PPARGC1B: variants seen among roughly 807,000 people sequenced by gnomAD.
The protein encoded by PPARGC1B is PPARG coactivator 1 beta.
A neutral mutation model predicts 101.6 loss-of-function variants in PPARGC1B; 34 were observed. The ratio of observed to expected loss-of-function variants is 0.33; its 90% CI spans 0.25 to 0.45. The LOEUF (loss-of-function observed/expected upper bound fraction) is 0.45. Among genes scored for constraint, PPARGC1B ranks in the 20% least tolerant of loss-of-function variants. The probability of loss-of-function intolerance (pLI) is 1.00; values close to 1 mark genes in which losing one functional copy is unlikely to be tolerated. For missense variants in PPARGC1B, 1,234 were observed against 1,317.6 expected (o/e 0.94, Z 0.98); for synonymous variants, 548 against 539.3 (o/e 1.02, Z -0.22).
chr5:149,749,370 C>A (rs192109629), intron 1 of PPARGC1B, among the ~76,000 whole-genome samples: 1 of 152,168 alleles, frequency 6.6e-6, no homozygotes, highest in African/African-American at 2.4e-5. Context: ...CCGCTGAGGT[C>A]ACTGTTGTAG....
chr5:149,805,466 G>A (rs866217295), intron 1 of PPARGC1B, among the ~76,000 whole-genome samples: 15 of 152,222 alleles, frequency 9.9e-5, no homozygotes, highest in Non-Finnish European at 1.3e-4. Context: ...TTGAGACGGA[G>A]TCTCACTGTG....
intron 1 of PPARGC1B, among the ~76,000 whole-genome samples, chr5:149,785,458 A>G (rs1756765528): frequency 6.6e-6 from 1 of 152,228 alleles, no homozygotes; most frequent in African/African-American, 2.4e-5. Context: ...GCAAGCACAC[A>G]ATAAAAGGCA....
chr5:149,762,715 A>T (rs1755760256), intron 1 of PPARGC1B, among the ~76,000 whole-genome samples: 1 of 152,194 alleles, frequency 6.6e-6, no homozygotes. Context: ...ATTTGGGGAC[A>T]GCCTTGGCAA....
At chr5:149,770,613 G>A (rs189669370) in intron 1 of PPARGC1B, among the ~76,000 whole-genome samples, 3 of 152,088 alleles carry the variant, frequency 2.0e-5, no homozygotes, top group East Asian at 1.9e-4. Flanking sequence ...TCAGGAAGCC[G>A]AGGCAGGAGG....
intron 3 of PPARGC1B, among the ~76,000 whole-genome samples, chr5:149,827,192 T>G (rs1331523841): frequency 1.3e-5 from 2 of 152,240 alleles, no homozygotes; most frequent in African/African-American, 4.8e-5. Context: ...TCCTGAAGAT[T>G]GCACACACAT....
At chr5:149,777,996 C>A (rs1428726040) in intron 1 of PPARGC1B, among the ~76,000 whole-genome samples, 1 of 73,322 alleles carries the variant, frequency 1.4e-5, no homozygotes, top group South Asian at 6.6e-4. Flanking sequence ...TGTAGCAGTG[C>A]CCCCCTTCCC....
chr5:149,784,203 A>G (rs923506290), intron 1 of PPARGC1B, among the ~76,000 whole-genome samples: 1 of 152,018 alleles, frequency 6.6e-6, no homozygotes, highest in Non-Finnish European at 1.5e-5. Flanking sequence ...CTTGCTGCAC[A>G]TAGCTGGGAG....
chr5:149,780,735 C>T (rs1756565993), intron 1 of PPARGC1B, among the ~76,000 whole-genome samples: 1 of 152,202 alleles, frequency 6.6e-6, no homozygotes, highest in African/African-American at 2.4e-5. Flanking sequence ...CAGATATGCT[C>T]TCAGAGAAAA....
intron 1 of PPARGC1B, among the ~76,000 whole-genome samples, chr5:149,731,048 G>A (rs924694702): frequency 7.2e-5 from 11 of 152,238 alleles, no homozygotes; most frequent in African/African-American, 2.7e-4. Context: ...CCCCCTGGGG[G>A]GAAAAGCCAG....
downstream of PPARGC1B, among the ~76,000 whole-genome samples, chr5:149,857,003 C>T (rs559774793): frequency 2.0e-4 from 30 of 152,122 alleles, no homozygotes; most frequent in African/African-American, 7.2e-4. Flanking sequence ...AACTCCTGAC[C>T]TTAGTTGATC....
Position 149,820,415 on chromosome 5 carries a change from T to G in PPARGC1B, c.79-18T>G. Reference sequence around the variant, plus strand: ...CAGCCTCAGCTCTGATCCACCTCTTTCCTTCCTGTCTCCTCAGGGTGGAGG... The same window carrying G: ...CAGCCTCAGCTCTGATCCACCTCTTGCCTTCCTGTCTCCTCAGGGTGGAGG... On this transcript the variant is annotated intron_variant, in intron 1 of 11. Transcript: ENST00000309241. 1.2e-6 allele frequency: 2 copies of G among 1,611,356 alleles called. No homozygotes were observed. The highest frequency in any genetic ancestry group is 1.7e-6 in the Non-Finnish European group (2 of 1,178,280).
At position 149,833,306 on chromosome 5, in the gene PPARGC1B, A is replaced by C. The variant is rs780768823; in HGVS notation, c.1233A>C (p.Pro411=). ...KSTGPRPSLR[P]LRLEVKREVR... ...CCGGGCCCAGACCAAGCCTGCGCCC[A>C]CTGCGGCTGGAGGTGAAAAGGGAGG... The change falls in exon 5 of 12, where the codon CCA becomes CCC. Residue 411 remains proline, a synonymous_variant. Transcript: ENST00000309241. This position sits in a 1 kb window ranked among gnomAD's most constrained non-coding sequence, Gnocchi z 4.1. The C allele has an allele frequency of 1.5e-5, 25 of 1,613,330 alleles. No individual in the cohort carries two copies. Among genetic ancestry groups the C allele is most frequent in the Non-Finnish European group, 1.9e-5 (23 of 1,180,022 alleles).
Position 149,799,693 on chromosome 5 carries a change from G to GTTGTTTT in PPARGC1B, c.79-20738_79-20737insGTTTTTT, listed in dbSNP as rs752427488. On this transcript the variant is annotated intron_variant, in intron 1 of 11. Transcript: ENST00000309241. Reference sequence around the variant, plus strand: ...TTTGTTTGTTTGTTTGCTTGTTGTTGTTTTTTTTTTTTTTTTTTTTTGAGA... The same window carrying GTTGTTTT: ...TTTGTTTGTTTGTTTGCTTGTTGTTGTTGTTTTTTTTTTTTTTTTTTTTTTTTTGAGA... Among the ~76,000 whole-genome samples the GTTGTTTT allele has an allele frequency of 7.1e-3, 547 of 76,508 alleles. 11 individuals are homozygous for GTTGTTTT. The highest frequency in any genetic ancestry group is 0.028 in the African/African-American group (484 of 17,584). The allele number at this position is 76,508 out of a possible 152,430, so 50.2% of individuals were successfully genotyped here. A position where few individuals can be genotyped will look rare whatever the true frequency, so the allele number is the denominator to read the frequency against.
rs562539029 is a variant in PPARGC1B, at chr5:149,847,867, G to A, written c.*309G>A. 2 of 386,298 alleles carry A rather than the reference G, an allele frequency of 5.2e-6. No individual in the cohort carries two copies. The highest frequency in any genetic ancestry group is 8.9e-5 in the East Asian group (2 of 22,500). The allele number at this position is 386,298 out of a possible 1,614,324, so 23.9% of individuals were successfully genotyped here. ...CGTCACCCATCGCCCCTTCCTTCCC[G>A]ACTGACTTCCTCTCGTAGACTTGCA... On this transcript the variant is annotated 3_prime_UTR_variant, in exon 12 of 12. Transcript: ENST00000309241.
intron 1 of PPARGC1B, among the ~76,000 whole-genome samples, chr5:149,819,414 G>A (rs1758184384): frequency 1.3e-5 from 2 of 152,120 alleles, no homozygotes; most frequent in Admixed American, 6.5e-5. Flanking sequence ...GTGTCTTGGA[G>A]AACACACAGA....
At chr5:149,762,609 T>C (rs959548691) in intron 1 of PPARGC1B, among the ~76,000 whole-genome samples, 4 of 152,206 alleles carry the variant, frequency 2.6e-5, no homozygotes, top group Non-Finnish European at 4.4e-5. Flanking sequence ...GGGTGTGTTA[T>C]CCAAATAGCC....
chr5:149,809,464 GATCCATCTCTACCAT>G (rs1757755732), intron 1 of PPARGC1B, among the ~76,000 whole-genome samples: 1 of 131,442 alleles, frequency 7.6e-6, no homozygotes, highest in Non-Finnish European at 1.7e-5. Context: ...TAGATAGATA[GATCCATCTCTACCAT>G]AGATAGATAG....
At chr5:149,765,753 C>T (rs180919977) in intron 1 of PPARGC1B, among the ~76,000 whole-genome samples, 2,177 of 150,038 alleles carry the variant, frequency 0.015, 20 homozygotes, top group Non-Finnish European at 0.021. Flanking sequence ...CCCAGCTACT[C>T]GGGAGGCTGA....
At chr5:149,772,648 A>T (rs1454616955) in intron 1 of PPARGC1B, among the ~76,000 whole-genome samples, 1 of 152,092 alleles carries the variant, frequency 6.6e-6, no homozygotes, top group East Asian at 1.9e-4. Flanking sequence ...TCCTCTTATA[A>T]GGGCACCAGT....
Sources: allele counts gnomAD v4.1 joint callset (sites outside exome capture counted in the v4.1 genomes callset), GRCh38; gene constraint gnomAD v4.1.1; non-coding constraint Gnocchi (gnomAD v3.1); transcripts MANE v1.5; gene names NCBI Gene and HGNC (gene_info 2026-07-23, HGNC 2026-07-21).